The following PMFBP1 variants were observed in gnomAD, a reference collection of about 807,000 sequenced individuals.
PMFBP1 encodes the protein polyamine modulated factor 1 binding protein 1.
PMFBP1 carries 131 observed loss-of-function variants against 137.8 expected under a neutral mutation model. That is an observed-to-expected ratio of 0.95 (90% CI 0.82 to 1.10). PMFBP1 has a LOEUF of 1.10. Ranked by LOEUF, PMFBP1 falls within the 50% of genes least tolerant of loss-of-function variation. The probability of loss-of-function intolerance (pLI) is 0.00; values close to 1 mark genes in which losing one functional copy is unlikely to be tolerated. For synonymous variants in PMFBP1, 490 were observed against 450.4 expected (o/e 1.09, Z -1.11); for missense variants, 1,199 against 1,175.4 (o/e 1.02, Z -0.29).
the PMFBP1 span, among the ~76,000 whole-genome samples, chr16:72,230,003 C>T: frequency 1.3e-5 from 2 of 152,176 alleles, no homozygotes; most frequent in East Asian, 1.9e-4. Flanking sequence ...ACTTTAGTCA[C>T]TTTCCATACA....
At chr16:72,135,848 G>T (rs566183339) in intron 9 of PMFBP1, among the ~76,000 whole-genome samples, 1 of 148,006 alleles carries the variant, frequency 6.8e-6, no homozygotes, top group East Asian at 2.0e-4. Context: ...TGGGCTCAAG[G>T]GGCTCATGTG....
intron 5 of PMFBP1, among the ~76,000 whole-genome samples, chr16:72,147,828 C>T (rs2042835701): frequency 6.6e-6 from 1 of 152,174 alleles, no homozygotes; most frequent in Non-Finnish European, 1.5e-5. Context: ...GAGATACCAT[C>T]TCATGCCAGT....
intron 4 of PMFBP1, 30 bp from the exon 5 acceptor site, chr16:72,150,859 G>A (rs982720626): frequency 6.3e-7 from 1 of 1,577,210 alleles, no homozygotes; most frequent in Non-Finnish European, 8.7e-7. Context: ...TCCACATTGA[G>A]CCCATGGAAG....
At chr16:72,174,332 C>A (rs1432933499), upstream of PMFBP1, among the ~76,000 whole-genome samples, 1 of 152,200 alleles carries the variant, frequency 6.6e-6, no homozygotes, top group African/African-American at 2.4e-5. Context: ...TCTGAGAAAG[C>A]ACCACGACTT....
At chr16:72,244,113 A>G in the PMFBP1 span, among the ~76,000 whole-genome samples, 8 of 152,198 alleles carry the variant, frequency 5.3e-5, no homozygotes, top group African/African-American at 1.9e-4. Flanking sequence ...TGTGCTCAAA[A>G]TCAAATGCAG....
rs543019210 is a variant in PMFBP1, at chr16:72,138,410, C to T, written c.918+879G>A. 2.0e-5 allele frequency among the ~76,000 whole-genome samples: 3 copies of T among 152,380 alleles called. No homozygotes were observed. In the South Asian group the frequency reaches 6.2e-4, roughly 32 times the overall value. On this transcript the variant is annotated intron_variant, in intron 7 of 20. Transcript: ENST00000237353. ...ACCTGCCCAGCATGGCCTCCTGTGG[C>T]TGGCTTTGCCAGGTACCAAGTTCAG...
chr16:72,247,339 A>G, the PMFBP1 span, among the ~76,000 whole-genome samples: 1 of 152,234 alleles, frequency 6.6e-6, no homozygotes, highest in Non-Finnish European at 1.5e-5. Flanking sequence ...TTTTCCTTAG[A>G]GTACAATTTT....
the PMFBP1 span, among the ~76,000 whole-genome samples, chr16:72,193,525 G>C: frequency 6.6e-6 from 1 of 152,002 alleles, no homozygotes; most frequent in South Asian, 2.1e-4. Flanking sequence ...TTCTAGAAGA[G>C]TAATATATTA....
At chr16:72,186,039 T>G in the PMFBP1 span, among the ~76,000 whole-genome samples, 1 of 152,184 alleles carries the variant, frequency 6.6e-6, no homozygotes. Context: ...GCTCCCTCTC[T>G]CCAGGACAGA....
At chr16:72,249,743 C>A in the PMFBP1 span, among the ~76,000 whole-genome samples, 1 of 149,764 alleles carries the variant, frequency 6.7e-6, no homozygotes, top group Admixed American at 6.7e-5. Flanking sequence ...GGTGAAACCC[C>A]GTCTCTACTA....
chr16:72,141,781 C>T (rs1334379252), intron 5 of PMFBP1, among the ~76,000 whole-genome samples: 1 of 151,330 alleles, frequency 6.6e-6, no homozygotes, highest in Non-Finnish European at 1.5e-5. Context: ...TAATTGTGTA[C>T]ATTAAATTCA....
At chr16:72,222,083 G>A in the PMFBP1 span, among the ~76,000 whole-genome samples, 1,654 of 152,296 alleles carry the variant, frequency 0.011, 12 homozygotes, top group Non-Finnish European at 0.016. Context: ...CATGGGAGTC[G>A]TGTGGCCAGT....
At chr16:72,146,956 C>A (rs146943445) in intron 5 of PMFBP1, among the ~76,000 whole-genome samples, 5,403 of 152,150 alleles carry the variant, frequency 0.036, 285 homozygotes, top group African/African-American at 0.12. Context: ...GCCCAAAGTA[C>A]TTTATAGATT....
At chr16:72,220,765 T>G in the PMFBP1 span, among the ~76,000 whole-genome samples, 4 of 152,176 alleles carry the variant, frequency 2.6e-5, no homozygotes, top group South Asian at 4.1e-4. Context: ...TCTGGTGCCC[T>G]AGGCTCTGCA....
At chr16:72,139,256 C>A in intron 7 of PMFBP1, 33 bp downstream of exon 7, 1 of 1,503,860 alleles carries the variant, frequency 6.6e-7, no homozygotes, top group Non-Finnish European at 9.2e-7. Context: ...TCAGCCCGAT[C>A]CCAGTAGGCA....
the PMFBP1 span, among the ~76,000 whole-genome samples, chr16:72,187,286 G>A: frequency 6.6e-6 from 1 of 152,142 alleles, no homozygotes; most frequent in African/African-American, 2.4e-5. Flanking sequence ...TGAGTCTGCA[G>A]ATTATAGATT....
At chr16:72,125,136 G>A in intron 16 of PMFBP1, 102 bp downstream of exon 16, 1 of 1,464,612 alleles carries the variant, frequency 6.8e-7, no homozygotes, top group Non-Finnish European at 9.2e-7. Context: ...AGGGAACCTA[G>A]CAGCCCAAGG....
At chr16:72,241,959 A>T in the PMFBP1 span, among the ~76,000 whole-genome samples, 1 of 152,216 alleles carries the variant, frequency 6.6e-6, no homozygotes, top group East Asian at 1.9e-4. Context: ...CCTTCTCATT[A>T]TGTATGCCTT....
the PMFBP1 span, among the ~76,000 whole-genome samples, chr16:72,212,418 T>C: frequency 1.2e-4 from 18 of 152,060 alleles, no homozygotes; most frequent in East Asian, 1.9e-4. Context: ...AAATCCAGCC[T>C]GTGGCCTGTT....
Sources: allele counts gnomAD v4.1 joint callset (sites outside exome capture counted in the v4.1 genomes callset), GRCh38; gene constraint gnomAD v4.1.1; transcripts MANE v1.5; gene names NCBI Gene and HGNC (gene_info 2026-07-23, HGNC 2026-07-21).